The following FSTL5 variants were observed in gnomAD, a reference collection of about 807,000 sequenced individuals.
FSTL5 encodes the protein follistatin like 5.
Under a neutral mutation model 89.1 loss-of-function variants are expected in FSTL5, and 62 were observed. The ratio of observed to expected loss-of-function variants is 0.70; its 90% confidence interval spans 0.57 to 0.86. The LOEUF is 0.86. Among genes scored for constraint, FSTL5 ranks in the 40% least tolerant of loss-of-function variants. The pLI is 0.00. For synonymous variants in FSTL5, 383 were observed against 346.2 expected, an observed-to-expected ratio of 1.11 and a Z score of -1.18; for missense variants, 1,057 against 1,001.6, an observed-to-expected ratio of 1.06 and a Z score of -0.75.
intron 2 of FSTL5, among the ~76,000 whole-genome samples, chr4:162,095,234 A>T (rs1452417699): frequency 6.6e-6 from 1 of 152,158 alleles, no homozygotes; most frequent in Non-Finnish European, 1.5e-5. Flanking sequence ...ATGCATAGCA[A>T]CAGTTAATTC....
chr4:162,114,529 GACACACACACACACACAC>G (rs9308041), intron 1 of FSTL5, among the ~76,000 whole-genome samples: 9,771 of 149,118 alleles, frequency 0.066, 968 homozygotes, highest in African/African-American at 0.21. Flanking sequence ...TTTGTGTGTG[GACACACACACACACACAC>G]ACACACACAC....
chr4:161,669,104 T>A (rs1040670151), intron 6 of FSTL5, among the ~76,000 whole-genome samples: 3 of 112,124 alleles, frequency 2.7e-5, no homozygotes, highest in South Asian at 3.0e-4. Context: ...AGAGTGAGAC[T>A]CTGTCTCAAA....
In FSTL5 at chr4:161,759,502, A is replaced by T; in HGVS notation, c.636T>A (p.Asp212Glu). 1.3e-6 allele frequency: 2 copies of T among 1,573,726 alleles called. No individual in the cohort carries two copies. Among genetic ancestry groups the T allele is most frequent in the Non-Finnish European group, 1.7e-6 (2 of 1,159,930 alleles). ...GAACATACAAAGTACAATCAAAGAG[A>T]TCCTTGCCAAGTTCTTCCTGTTTTA... ...QVIKQEELGK[D>E]LFDCTLYVLL... The change falls in exon 6 of 16, where the codon GAT (aspartate) becomes GAA (glutamate). Residue 212 changes from aspartate (D) to glutamate (E), a missense_variant. Around this residue, in one of 3 missense-constraint regions of FSTL5, gnomAD observed 980 missense variants for 903.2 expected, o/e 1.08. Coordinates refer to ENST00000306100, the MANE Select transcript of FSTL5 (RefSeq NM_020116.5).
At chr4:161,998,816 T>G (rs1487335557) in intron 3 of FSTL5, among the ~76,000 whole-genome samples, 1 of 151,592 alleles carries the variant, frequency 6.6e-6, no homozygotes, top group Non-Finnish European at 1.5e-5. Context: ...GATCATCTAT[T>G]TGCCTTTGTT....
intron 3 of FSTL5, among the ~76,000 whole-genome samples, chr4:162,011,913 C>T (rs1736780012): frequency 6.6e-6 from 1 of 152,166 alleles, no homozygotes; most frequent in African/African-American, 2.4e-5. Context: ...TATTATTCTT[C>T]TCTAGAGTCT....
chr4:161,450,229 A>G (rs1053037572), intron 15 of FSTL5, among the ~76,000 whole-genome samples: 1 of 152,212 alleles, frequency 6.6e-6, no homozygotes, highest in African/African-American at 2.4e-5. Context: ...CTTTACATAT[A>G]AAAGAAAATA....
chr4:162,124,736 G>A (rs1284438090), intron 1 of FSTL5, among the ~76,000 whole-genome samples: 1 of 151,874 alleles, frequency 6.6e-6, no homozygotes, highest in Non-Finnish European at 1.5e-5. Flanking sequence ...GTCTCGCTCT[G>A]TCGCCCAGGC....
At chr4:161,396,440 G>A (rs1319042813) in intron 15 of FSTL5, among the ~76,000 whole-genome samples, 1 of 148,108 alleles carries the variant, frequency 6.8e-6, no homozygotes, top group African/African-American at 2.5e-5. Context: ...TCAGGAGTTC[G>A]AGACCATCCT....
chr4:161,923,488 G>A (rs1228458201), intron 3 of FSTL5, among the ~76,000 whole-genome samples: 1 of 151,570 alleles, frequency 6.6e-6, no homozygotes, highest in Non-Finnish European at 1.5e-5. Flanking sequence ...TCTATATGGG[G>A]CTGCCATTAT....
In FSTL5 at chr4:161,510,434, G is replaced by A. The variant is rs775974271; in HGVS notation, c.1313-10C>T. 4 of 1,512,152 alleles carry A rather than the reference G, an allele frequency of 2.6e-6. No homozygotes were observed. In the South Asian group the frequency reaches 3.8e-5, roughly 15 times the overall value. 93.7% of individuals were successfully genotyped at this position (1,512,152 alleles called of 1,614,324 possible). On this transcript the variant is annotated splice_polypyrimidine_tract_variant and intron_variant, in intron 10 of 15. Transcript: ENST00000306100. ...CATAATATGTTAGCTACTGCAGCAT[G>A]TTGAAAGAAAAAGAAGAAAAAGAAA...
intron 8 of FSTL5, among the ~76,000 whole-genome samples, chr4:161,550,911 A>G (rs1272538696): frequency 6.6e-6 from 1 of 151,636 alleles, no homozygotes; most frequent in African/African-American, 2.4e-5. Context: ...AAGGACACGA[A>G]CTCATCATTT....
At chr4:161,471,391 C>T (rs961578513) in intron 13 of FSTL5, among the ~76,000 whole-genome samples, 2 of 152,148 alleles carry the variant, frequency 1.3e-5, no homozygotes, top group African/African-American at 4.8e-5. Flanking sequence ...TCCTTGCATT[C>T]CAGGAATAAA....
chr4:161,777,335 A>C (rs1171771756), intron 4 of FSTL5, among the ~76,000 whole-genome samples: 1 of 150,562 alleles, frequency 6.6e-6, no homozygotes, highest in Non-Finnish European at 1.5e-5. Flanking sequence ...GACTATTTTG[A>C]CTAGTGCTGT....
intron 13 of FSTL5, among the ~76,000 whole-genome samples, chr4:161,472,971 C>T (rs1734000833): frequency 6.6e-6 from 1 of 152,152 alleles, no homozygotes; most frequent in Non-Finnish European, 1.5e-5. Flanking sequence ...GATCCACCTG[C>T]CTTGGCCTCC....
At chr4:161,976,782 G>C (rs1735662302) in intron 3 of FSTL5, among the ~76,000 whole-genome samples, 1 of 151,874 alleles carries the variant, frequency 6.6e-6, no homozygotes, top group Non-Finnish European at 1.5e-5. Flanking sequence ...CGCCTGGCCA[G>C]GTGCAGTTAG....
chr4:161,441,391 A>T (rs1490215776), intron 15 of FSTL5, among the ~76,000 whole-genome samples: 1 of 152,114 alleles, frequency 6.6e-6, no homozygotes, highest in East Asian at 1.9e-4. Flanking sequence ...TTACAATTTA[A>T]TAAAGTTCAG....
At chr4:161,547,199 G>A (rs1019154021) in intron 8 of FSTL5, among the ~76,000 whole-genome samples, 10 of 152,084 alleles carry the variant, frequency 6.6e-5, no homozygotes, top group Non-Finnish European at 1.0e-4. Flanking sequence ...TATGCCAGCC[G>A]CAATCAAGCT....
chr4:161,647,981 T>C (rs1057165693), intron 7 of FSTL5, among the ~76,000 whole-genome samples: 6 of 151,676 alleles, frequency 4.0e-5, no homozygotes, highest in Non-Finnish European at 7.4e-5. Context: ...CGACACGGAG[T>C]TTGGCTGGGG....
At chr4:161,410,785 A>T (rs1236929207) in intron 15 of FSTL5, among the ~76,000 whole-genome samples, 1 of 152,054 alleles carries the variant, frequency 6.6e-6, no homozygotes, top group Admixed American at 6.5e-5. Flanking sequence ...AAAGTTCTCA[A>T]ATTAAAAATC....
Sources: allele counts gnomAD v4.1 joint callset (sites outside exome capture counted in the v4.1 genomes callset), GRCh38; gene constraint gnomAD v4.1.1; regional missense constraint gnomAD v4.1.1; transcripts MANE v1.5; gene names NCBI Gene and HGNC (gene_info 2026-07-23, HGNC 2026-07-21).